The following ABI3BP variants were observed in gnomAD, a reference collection of about 807,000 sequenced individuals.
ABI3BP encodes target of Nesh-SH3.
In ABI3BP, 216 loss-of-function variants were observed where a neutral mutation model predicts 268.6. The observed-to-expected ratio is 0.80, with a 90% confidence interval of 0.72 to 0.90. The LOEUF is 0.90. ABI3BP is among the 40% of genes least tolerant of loss of function. The pLI is 0.00. For missense variants in ABI3BP, 2,090 were observed against 2,182.4 expected (o/e 0.96, Z 0.84); for synonymous variants, 730 against 730.0 (o/e 1.00, Z 0.00).
Position 100,874,923 on chromosome 3 carries a change from A to C in ABI3BP, c.828T>G (p.Ile276Met). Residue 276 changes from isoleucine to methionine, a missense_variant, in exon 9 of 68, where the codon ATT (isoleucine) becomes ATG (methionine). Ile to Met is a conservative substitution (Grantham distance 10). Coordinates refer to ENST00000471714, the MANE Select transcript of ABI3BP (RefSeq NM_001375547.2). ...PLGGVILVHL[I>M]IPGLNETTVK... ...CAGTAGTTTCATTAAGACCTGGAAT[A>C]ATAAGGTGGACTGCAAGGAAATAGA... 6.3e-7 allele frequency: 1 copy of C among 1,587,192 alleles called. No homozygotes were observed. The highest frequency in any genetic ancestry group is 8.6e-7 in the Non-Finnish European group (1 of 1,162,446).
chr3:100,953,256 G>C (rs2075729153), intron 1 of ABI3BP, among the ~76,000 whole-genome samples: 3 of 151,988 alleles, frequency 2.0e-5, no homozygotes, highest in Admixed American at 2.0e-4. Context: ...ACTATTTCCG[G>C]GTTAATCACT....
chr3:100,894,936 T>C (rs1291681269), intron 4 of ABI3BP, among the ~76,000 whole-genome samples: 18 of 12,486 alleles, frequency 1.4e-3, no homozygotes, highest in African/African-American at 3.6e-3. Context: ...GGGATTCCGC[T>C]TCAAAAAAAA....
Position 100,789,499 on chromosome 3 carries a change from T to C in ABI3BP, c.4042A>G (p.Thr1348Ala), listed in dbSNP as rs1375139156. Residue 1348 changes from threonine to alanine, a missense_variant, in exon 56 of 68, where the codon ACT becomes GCT. Coordinates refer to ENST00000471714, the MANE Select transcript of ABI3BP (RefSeq NM_001375547.2). ...TCAGATGTTCTGGGCCTCACAGTAG[T>C]ATAAAATCTGTGTGGCGCTGAAACA... ...KTTQAPHRFY[T>A]TVRPRTSDKP... is the part of the protein sequence containing the mutation. 11 of 1,597,574 alleles carry C rather than the reference T, an allele frequency of 6.9e-6. No homozygotes were observed. The highest frequency in any genetic ancestry group is 9.4e-6 in the Non-Finnish European group (11 of 1,171,408).
chr3:100,948,929 G>C (rs2073735736), intron 1 of ABI3BP, among the ~76,000 whole-genome samples: 1 of 152,094 alleles, frequency 6.6e-6, no homozygotes, highest in Non-Finnish European at 1.5e-5. Flanking sequence ...AAATTTAAGA[G>C]AGTTGGAAAA....
At chr3:100,874,375 T>G (rs2099139940) in intron 9 of ABI3BP, among the ~76,000 whole-genome samples, 1 of 152,140 alleles carries the variant, frequency 6.6e-6, no homozygotes, top group Non-Finnish European at 1.5e-5. Context: ...GGATTTTCCG[T>G]TTTTTTCTTT....
intron 34 of ABI3BP, among the ~76,000 whole-genome samples, chr3:100,827,114 G>T (rs2098401315): frequency 6.6e-6 from 1 of 151,948 alleles, no homozygotes; most frequent in African/African-American, 2.4e-5. Flanking sequence ...TTTACTTTAA[G>T]ACCCTACAAT....
At position 100,754,672 on chromosome 3, in the gene ABI3BP, GT is replaced by G; in HGVS notation, c.4869del (p.Lys1623AsnfsTer26). On this transcript the variant is annotated frameshift_variant, in exon 64 of 68. Coordinates refer to ENST00000471714, the MANE Select transcript of ABI3BP (RefSeq NM_001375547.2). LOFTEE classifies it high-confidence loss of function. ...GGGCCTTCACCAAGCGGGTTTTTGG[GT>G]TTCACCTGGAATTCATAACTGTTTA... is the stretch of plus-strand genomic sequence containing the variant. The part of the protein sequence containing the change: ...KPNTSYEFQV[K>X]PKNPLGEGPV... 1 of 1,587,924 alleles carries G rather than the reference GT, an allele frequency of 6.3e-7. No individual in the cohort carries two copies. The highest frequency in any genetic ancestry group is 8.6e-7 in the Non-Finnish European group (1 of 1,165,752).
intron 59 of ABI3BP, among the ~76,000 whole-genome samples, chr3:100,777,166 C>G (rs2096729236): frequency 6.6e-6 from 1 of 152,196 alleles, no homozygotes; most frequent in Non-Finnish European, 1.5e-5. Context: ...TCCTTTCATC[C>G]TGTGAGAACA....
At chr3:100,776,383 C>G (rs2096706791) in intron 59 of ABI3BP, among the ~76,000 whole-genome samples, 1 of 152,162 alleles carries the variant, frequency 6.6e-6, no homozygotes, top group Non-Finnish European at 1.5e-5. Flanking sequence ...AGTTGCACTG[C>G]AGTCCACAAG....
chr3:100,869,330 G>GGTTTTTTTTTTTTTT, intron 9 of ABI3BP, among the ~76,000 whole-genome samples: 1 of 49,752 alleles, frequency 2.0e-5, no homozygotes, highest in Non-Finnish European at 3.4e-5. Context: ...CTTCTTTTTG[G>GGTTTTTTTTTTTTTT]TTTTTTTTTT....
intron 66 of ABI3BP, 119 bp downstream of exon 66, chr3:100,752,668 A>C: frequency 9.3e-7 from 1 of 1,078,404 alleles, no homozygotes; most frequent in Non-Finnish European, 1.3e-6. Context: ...CTCAGAGGAA[A>C]ACTTGTGTTT....
chr3:100,859,278 T>C (rs1231788759), intron 14 of ABI3BP, among the ~76,000 whole-genome samples: 1 of 152,106 alleles, frequency 6.6e-6, no homozygotes, highest in Admixed American at 6.5e-5. Flanking sequence ...TTGGCTGTAA[T>C]AATGTCATTA....
At position 100,749,961 on chromosome 3, in the gene ABI3BP, CTAAAAAATTGAAGTTTAAATA is replaced by C. The variant is rs200812131; in HGVS notation, c.*513_*533del. 0.022 allele frequency: 8,310 copies of C among 377,792 alleles called. 432 individuals carry two copies. Among genetic ancestry groups the C allele is most frequent in the African/African-American group, 0.13 (6,305 of 48,086 alleles). 23.4% of individuals were successfully genotyped at this position (377,792 alleles called of 1,614,324 possible). A position where few individuals can be genotyped will look rare whatever the true frequency, so the allele number is the denominator to read the frequency against. ...CCTCCGCAAAGCTATTCAGCTGTTG[CTAAAAAATTGAAGTTTAAATA>C]TAAAAAATTGAAGTTTAAATATAAA... On this transcript the variant is annotated 3_prime_UTR_variant, in exon 68 of 68. Transcript: ENST00000471714.
intron 63 of ABI3BP, among the ~76,000 whole-genome samples, chr3:100,761,523 C>A (rs1364440190): frequency 6.6e-6 from 1 of 152,054 alleles, no homozygotes; most frequent in Non-Finnish European, 1.5e-5. Flanking sequence ...TAAACTCTAC[C>A]ATTAGCAAAA....
intron 38 of ABI3BP, 34 bp from the exon 39 acceptor site, chr3:100,821,147 A>G (rs1268298552): frequency 4.0e-6 from 6 of 1,515,544 alleles, no homozygotes; most frequent in Non-Finnish European, 5.3e-6. Flanking sequence ...CCAAATGATT[A>G]TTTTAAATGA....
chr3:100,815,491 C>T (rs924106885), intron 44 of ABI3BP, among the ~76,000 whole-genome samples: 2 of 152,048 alleles, frequency 1.3e-5, no homozygotes, highest in Non-Finnish European at 2.9e-5. Context: ...GTAATAGGGA[C>T]ACCTTATTCC....
chr3:100,804,678 T>C, intron 51 of ABI3BP, 114 bp downstream of exon 51: 1 of 922,712 alleles, frequency 1.1e-6, no homozygotes, highest in Non-Finnish European at 1.7e-6. Flanking sequence ...TGATACAACA[T>C]GGGATTTAAA....
intron 1 of ABI3BP, among the ~76,000 whole-genome samples, chr3:100,929,399 C>T (rs2062894850): frequency 6.6e-6 from 1 of 152,034 alleles, no homozygotes. Context: ...GTCTCTCTCC[C>T]TTTTGCTAAC....
intron 21 of ABI3BP, among the ~76,000 whole-genome samples, chr3:100,841,206 T>TTTTTTTG (rs2098693446): frequency 7.8e-6 from 1 of 128,242 alleles, no homozygotes. Flanking sequence ...TTTTTTTTTT[T>TTTTTTTG]TTTTTTTTTT....
Sources: gnomAD v4.1 joint callset for allele counts (sites outside exome capture counted in the v4.1 genomes callset) on GRCh38, gnomAD v4.1.1 for gene constraint, MANE v1.5 for transcripts, NCBI Gene and HGNC (gene_info 2026-07-23, HGNC 2026-07-21) for gene names.